The following CGNL1 variants were observed in gnomAD, a reference collection of about 807,000 sequenced individuals.
The protein encoded by CGNL1 is cingulin like 1.
Under a neutral mutation model 141.2 loss-of-function variants are expected in CGNL1, and 132 were observed. The ratio of observed to expected loss-of-function variants is 0.93; its 90% CI spans 0.81 to 1.08. CGNL1 has a LOEUF of 1.08. Among genes scored for constraint, CGNL1 ranks in the 50% least tolerant of loss-of-function variants. The pLI, the probability that CGNL1 is intolerant of heterozygous loss-of-function variation, is 0.00. For missense variants in CGNL1, 1,870 were observed against 1,588.6 expected, an observed-to-expected ratio of 1.18 and a Z score of -3.01; for synonymous variants, 690 against 622.1, an observed-to-expected ratio of 1.11 and a Z score of -1.63.
At chr15:57,388,548 A>T (rs1167695221) in intron 1 of CGNL1, among the ~76,000 whole-genome samples, 1 of 152,202 alleles carries the variant, frequency 6.6e-6, no homozygotes, top group Non-Finnish European at 1.5e-5. Flanking sequence ...AGGTAGCTGT[A>T]GATATGTGTG....
chr15:57,447,130 G>A (rs1457705388), intron 4 of CGNL1, among the ~76,000 whole-genome samples: 2 of 152,042 alleles, frequency 1.3e-5, no homozygotes, highest in Non-Finnish European at 2.9e-5. Context: ...TATTATTGGT[G>A]TTCTTATTTG....
At chr15:57,398,461 A>G (rs1243631800) in intron 1 of CGNL1, 1 of 152,118 alleles carries the variant, frequency 6.6e-6, no homozygotes, top group African/African-American at 2.4e-5. Flanking sequence ...TTCCTGTTCT[A>G]TTTGGAGGAA....
Position 57,547,700 on chromosome 15 carries a change from C to G in CGNL1, c.*210C>G, listed in dbSNP as rs368984889. The stretch of plus-strand genomic sequence containing the variant: ...TTTGCAGTTTAAAATGTTGGGATGC[C>G]TGAGGACCAGGAGCCACCACCCACT... On this transcript the variant is annotated 3_prime_UTR_variant, in exon 19 of 19. Transcript: ENST00000281282. 1 of 531,950 alleles carries G rather than the reference C, an allele frequency of 1.9e-6. No individual in the cohort carries two copies. Among genetic ancestry groups the G allele is most frequent in the Non-Finnish European group, 3.2e-6 (1 of 311,986 alleles). The allele number at this position is 531,950 out of a possible 1,614,324, so 33.0% of individuals were successfully genotyped here. A position where few individuals can be genotyped will look rare whatever the true frequency, so the allele number is the denominator to read the frequency against.
At chr15:57,397,885 C>T (rs2062619778) in intron 1 of CGNL1, among the ~76,000 whole-genome samples, 1 of 151,946 alleles carries the variant, frequency 6.6e-6, no homozygotes, top group Admixed American at 6.6e-5. Flanking sequence ...TGGGTTCAAG[C>T]CATTCTCCTG....
rs550158705 is a variant in CGNL1, at chr15:57,474,242, A to C, written c.2403+12350A>C. On this transcript the variant is annotated intron_variant, in intron 8 of 18. Coordinates refer to ENST00000281282, the MANE Select transcript of CGNL1 (RefSeq NM_032866.5). ...TCACTGCTTGATTCCTTACCCTCAG[A>C]AACTTTGTGAGGTAATGTTTGTCAC... Among the ~76,000 whole-genome samples, 11 of 152,116 alleles carry C rather than the reference A, an allele frequency of 7.2e-5. 1 individual carries two copies. The highest frequency in any genetic ancestry group is 4.6e-4 in the Admixed American group (7 of 15,272).
At chr15:57,414,577 A>G (rs1480394776) in intron 1 of CGNL1, among the ~76,000 whole-genome samples, 1 of 152,142 alleles carries the variant, frequency 6.6e-6, no homozygotes, top group Non-Finnish European at 1.5e-5. Context: ...AACTAGATAT[A>G]TCATTTCCAG....
rs10571799 is a variant in CGNL1 at position 57,485,876 on chromosome 15, AAGG to A, written c.2403+23987_2403+23989del. On this transcript the variant is annotated intron_variant, in intron 8 of 18. Coordinates refer to ENST00000281282, the MANE Select transcript of CGNL1 (RefSeq NM_032866.5). ...CACAGCTCTCCAGATGCTGATTTAA[AAGG>A]AGTTTAGCCACGTGCCATTTCTTTC... 3.2e-3 allele frequency among the ~76,000 whole-genome samples: 491 copies of A among 152,300 alleles called. 1 individual carries two copies. The highest frequency in any genetic ancestry group is 0.011 in the African/African-American group (477 of 41,566).
intron 14 of CGNL1, among the ~76,000 whole-genome samples, chr15:57,534,930 G>A (rs1052446728): frequency 1.3e-5 from 2 of 152,160 alleles, no homozygotes; most frequent in Non-Finnish European, 2.9e-5. Flanking sequence ...GCTCCTTTGC[G>A]GAATCTTTGC....
At chr15:57,409,037 T>TCTCACACACACACACACACACA (rs143760210) in intron 1 of CGNL1, among the ~76,000 whole-genome samples, 3 of 141,736 alleles carry the variant, frequency 2.1e-5, no homozygotes, top group African/African-American at 8.0e-5. Context: ...TGAGACTCTG[T>TCTCACACACACACACACACACA]CACACACACA....
intron 1 of CGNL1, among the ~76,000 whole-genome samples, chr15:57,431,079 G>A (rs1260400114): frequency 1.3e-5 from 2 of 152,174 alleles, no homozygotes; most frequent in African/African-American, 4.8e-5. Flanking sequence ...CTAGTAAAAG[G>A]AGCCTTTTTA....
intron 14 of CGNL1, among the ~76,000 whole-genome samples, chr15:57,531,982 C>T (rs1156459314): frequency 6.6e-6 from 1 of 152,082 alleles, no homozygotes; most frequent in Non-Finnish European, 1.5e-5. Context: ...TTAAATTTTA[C>T]TCCTTGGTCA....
intron 1 of CGNL1, among the ~76,000 whole-genome samples, chr15:57,429,406 TGAG>T (rs1465216430): frequency 6.6e-6 from 1 of 152,202 alleles, no homozygotes; most frequent in African/African-American, 2.4e-5. Context: ...GGTGCAGTGA[TGAG>T]GAGGATTCTG....
chr15:57,484,790 T>A (rs1335546922), intron 8 of CGNL1, among the ~76,000 whole-genome samples: 2 of 152,152 alleles, frequency 1.3e-5, no homozygotes, highest in African/African-American at 2.4e-5. Flanking sequence ...CTCCCACTTA[T>A]GAGTGAGAAC....
chr15:57,471,789 G>C (rs11632811), intron 8 of CGNL1, among the ~76,000 whole-genome samples: 24,688 of 152,206 alleles, frequency 0.16, 2,441 homozygotes, highest in Middle Eastern at 0.26. Context: ...TGTTGATACA[G>C]TTTTTGGAAT....
chr15:57,463,785 C>T (rs903192574), intron 8 of CGNL1, among the ~76,000 whole-genome samples: 10 of 152,246 alleles, frequency 6.6e-5, no homozygotes, highest in Non-Finnish European at 7.3e-5. Context: ...TTTCAGACCT[C>T]TCACCTCTTC....
chr15:57,465,240 A>G (rs1236420109), intron 8 of CGNL1, among the ~76,000 whole-genome samples: 1 of 152,178 alleles, frequency 6.6e-6, no homozygotes, highest in Non-Finnish European at 1.5e-5. Flanking sequence ...GAACATTAAG[A>G]TTATTAAATA....
chr15:57,377,694 A>G (rs2062380641), intron 1 of CGNL1, among the ~76,000 whole-genome samples: 1 of 152,240 alleles, frequency 6.6e-6, no homozygotes, highest in Non-Finnish European at 1.5e-5. Context: ...CAATACTGCC[A>G]GGGCACTTTC....
intron 9 of CGNL1, 98 bp from the exon 10 acceptor site, chr15:57,518,295 T>TA (rs1418075587): frequency 1.2e-6 from 1 of 859,176 alleles, no homozygotes; most frequent in African/African-American, 1.7e-5. Flanking sequence ...GCCACTGCCA[T>TA]ATCTATGGGT....
At chr15:57,414,531 G>A (rs2062827270) in intron 1 of CGNL1, among the ~76,000 whole-genome samples, 2 of 152,198 alleles carry the variant, frequency 1.3e-5, no homozygotes, top group Admixed American at 6.5e-5. Context: ...GGTTCAAGGG[G>A]AGTCTGCAGT....
Sources: gnomAD v4.1 joint callset for allele counts (sites outside exome capture counted in the v4.1 genomes callset) on GRCh38, gnomAD v4.1.1 for gene constraint, MANE v1.5 for transcripts, NCBI Gene and HGNC (gene_info 2026-07-23, HGNC 2026-07-21) for gene names.